Variants in PLCB1 observed in about 807,000 individuals in gnomAD.
PLCB1 encodes the protein phospholipase C beta 1.
Under a neutral mutation model 161.8 loss-of-function variants are expected in PLCB1, and 46 were observed. The ratio of observed to expected loss-of-function variants is 0.28; its 90% CI spans 0.22 to 0.36. The LOEUF is 0.36. Ranked by LOEUF, PLCB1 falls within the 10% of genes least tolerant of loss-of-function variation. The pLI is 1.00. For missense variants in PLCB1, 1,016 were observed against 1,472.5 expected, an observed-to-expected ratio of 0.69 and a Z score of 5.07; for synonymous variants, 517 against 503.7, an observed-to-expected ratio of 1.03 and a Z score of -0.35.
chr20:8,209,796 C>G (rs1475185340), intron 2 of PLCB1, among the ~76,000 whole-genome samples: 5 of 152,084 alleles, frequency 3.3e-5, no homozygotes, highest in Admixed American at 3.3e-4. Context: ...TCATATATAA[C>G]ATGCACAAGT....
intron 31 of PLCB1, among the ~76,000 whole-genome samples, chr20:8,839,221 G>A (rs139453643): frequency 1.9e-3 from 289 of 152,280 alleles, no homozygotes; most frequent in African/African-American, 6.0e-3. Flanking sequence ...GTCCAGTGGC[G>A]TGGGACATGT....
intron 2 of PLCB1, among the ~76,000 whole-genome samples, chr20:8,240,279 G>GAC (rs10683042): frequency 0.2 from 30,303 of 149,460 alleles, 4,658 homozygotes; most frequent in African/African-American, 0.44. Context: ...TCATGATATT[G>GAC]ACACACACAC....
intron 2 of PLCB1, among the ~76,000 whole-genome samples, chr20:8,224,987 T>C (rs1253496950): frequency 6.6e-6 from 1 of 152,176 alleles, no homozygotes; most frequent in Non-Finnish European, 1.5e-5. Flanking sequence ...ACACAAAATA[T>C]GAGAAAGTAT....
chr20:8,277,243 T>C (rs2123276681), intron 2 of PLCB1, among the ~76,000 whole-genome samples: 1 of 151,990 alleles, frequency 6.6e-6, no homozygotes, highest in South Asian at 2.1e-4. Flanking sequence ...CACATGAAAA[T>C]TATATGTGAA....
intron 9 of PLCB1, among the ~76,000 whole-genome samples, chr20:8,670,041 A>T (rs1989906365): frequency 6.6e-6 from 1 of 152,164 alleles, no homozygotes; most frequent in South Asian, 2.1e-4. Context: ...TACTCATAAA[A>T]GGCAATGGAA....
At chr20:8,776,485 T>C (rs980304417) in intron 27 of PLCB1, among the ~76,000 whole-genome samples, 1 of 152,216 alleles carries the variant, frequency 6.6e-6, no homozygotes, top group African/African-American at 2.4e-5. Flanking sequence ...TTCATTATGA[T>C]ACCTGGAATG....
chr20:8,349,162 A>C (rs1470456292), intron 2 of PLCB1, among the ~76,000 whole-genome samples: 2 of 152,184 alleles, frequency 1.3e-5, no homozygotes, highest in Non-Finnish European at 2.9e-5. Flanking sequence ...ACAGACAATA[A>C]AATCCTTGGG....
chr20:8,775,471 G>T (rs993496318), intron 27 of PLCB1, among the ~76,000 whole-genome samples: 1 of 152,164 alleles, frequency 6.6e-6, no homozygotes, highest in African/African-American at 2.4e-5. Flanking sequence ...GGTTTTAAGA[G>T]ATATTTGTAT....
chr20:8,166,860 A>G (rs945151646), intron 2 of PLCB1, among the ~76,000 whole-genome samples: 5 of 152,032 alleles, frequency 3.3e-5, no homozygotes, highest in Non-Finnish European at 7.4e-5. Context: ...TCTGCTTGGA[A>G]CACATGTTTT....
At chr20:8,176,960 A>G (rs2051789814) in intron 2 of PLCB1, among the ~76,000 whole-genome samples, 2 of 152,170 alleles carry the variant, frequency 1.3e-5, no homozygotes, top group South Asian at 4.1e-4. Context: ...ATAATATATT[A>G]TCACCACTCC....
At chr20:8,198,396 C>G (rs1332947817) in intron 2 of PLCB1, among the ~76,000 whole-genome samples, 4 of 152,002 alleles carry the variant, frequency 2.6e-5, no homozygotes, top group African/African-American at 9.7e-5. Context: ...AGTTGGATTC[C>G]TAGCTATTTT....
intron 31 of PLCB1, among the ~76,000 whole-genome samples, chr20:8,830,466 A>G (rs910462677): frequency 6.6e-6 from 1 of 152,228 alleles, no homozygotes; most frequent in African/African-American, 2.4e-5. Context: ...TTAGGAGGCT[A>G]CTTCTGTAAT....
At chr20:8,320,662 C>T (rs1327257716) in intron 2 of PLCB1, among the ~76,000 whole-genome samples, 1 of 152,146 alleles carries the variant, frequency 6.6e-6, no homozygotes, top group Non-Finnish European at 1.5e-5. Flanking sequence ...TGTTTTTCAT[C>T]CTTCTCTGGC....
chr20:8,233,081 T>C lies in PLCB1; in HGVS notation c.177+82710T>C, dbSNP rs529065887. Among the ~76,000 whole-genome samples, 8 of 152,292 alleles carry C rather than the reference T, an allele frequency of 5.3e-5. No homozygotes were observed. The East Asian group carries it at 1.4e-3, about 26-fold the overall frequency. On this transcript the variant is annotated intron_variant, in intron 2 of 31. Coordinates refer to ENST00000338037, the MANE Select transcript of PLCB1 (RefSeq NM_015192.4). ...CTCTGTAACTCAACCATATGGCCAGTTAGATGGATTGAGAGCATGACCACC... is the reference window on the plus strand; with the variant it reads ...CTCTGTAACTCAACCATATGGCCAGCTAGATGGATTGAGAGCATGACCACC...
At chr20:8,641,171 T>C (rs1244525164) in intron 4 of PLCB1, among the ~76,000 whole-genome samples, 1 of 152,218 alleles carries the variant, frequency 6.6e-6, no homozygotes, top group African/African-American at 2.4e-5. Context: ...ACTTTATTAA[T>C]TGGAGAGCTT....
chr20:8,335,602 T>C (rs1195427410), intron 2 of PLCB1, among the ~76,000 whole-genome samples: 2 of 152,164 alleles, frequency 1.3e-5, no homozygotes, highest in Non-Finnish European at 2.9e-5. Flanking sequence ...CACCCGTAGT[T>C]GCTCTCCTCC....
rs543703800 is a variant in PLCB1 at position 8,519,212 on chromosome 20, C to T, written c.247-109082C>T. Among the ~76,000 whole-genome samples, 4 of 152,146 alleles carry T rather than the reference C, an allele frequency of 2.6e-5. No individual in the cohort carries two copies. In the East Asian group the frequency reaches 7.7e-4, roughly 29 times the overall value. On this transcript the variant is annotated intron_variant, in intron 3 of 31. Coordinates refer to ENST00000338037, the MANE Select transcript of PLCB1 (RefSeq NM_015192.4). ...AAATGAAGCGAAAACAGACACACTC[C>T]TTGCTTTCTCGGTAGCTTACAGACT... is the stretch of plus-strand genomic sequence containing the variant.
chr20:8,448,782 T>G (rs913531485), intron 3 of PLCB1, among the ~76,000 whole-genome samples: 1 of 152,156 alleles, frequency 6.6e-6, no homozygotes, highest in African/African-American at 2.4e-5. Flanking sequence ...TTTGTATGAG[T>G]GGTGAGGACA....
chr20:8,433,946 A>G (rs1421706187), intron 3 of PLCB1, among the ~76,000 whole-genome samples: 2 of 141,894 alleles, frequency 1.4e-5, no homozygotes, highest in Non-Finnish European at 1.5e-5. Context: ...AAAAACATGA[A>G]TTAGTCAACC....
Sources: gnomAD v4.1 joint callset for allele counts (sites outside exome capture counted in the v4.1 genomes callset) on GRCh38, gnomAD v4.1.1 for gene constraint, MANE v1.5 for transcripts, NCBI Gene and HGNC (gene_info 2026-07-23, HGNC 2026-07-21) for gene names.